Variants in MAGI2 observed in about 807,000 individuals in gnomAD.
MAGI2 encodes the protein membrane associated guanylate kinase, WW and PDZ domain containing 2.
Under a neutral mutation model 133.3 loss-of-function variants are expected in MAGI2, and 35 were observed. The ratio of observed to expected loss-of-function variants is 0.26; its 90% CI spans 0.20 to 0.35. MAGI2 has a LOEUF of 0.35. Among genes scored for constraint, MAGI2 ranks in the 10% least tolerant of loss-of-function variants. MAGI2 has a pLI of 1.00. For synonymous variants in MAGI2, 729 were observed against 710.6 expected (o/e 1.03, Z -0.41); for missense variants, 1,636 against 1,863.4 (o/e 0.88, Z 2.25).
intron 1 of MAGI2, among the ~76,000 whole-genome samples, chr7:79,331,143 A>T (rs1840042846): frequency 6.6e-6 from 1 of 152,192 alleles, no homozygotes; most frequent in African/African-American, 2.4e-5. Context: ...AATTCTATTT[A>T]TTAGAAGTTC....
At chr7:78,083,803 T>C (rs1056718152) in intron 20 of MAGI2, among the ~76,000 whole-genome samples, 1 of 152,236 alleles carries the variant, frequency 6.6e-6, no homozygotes, top group African/African-American at 2.4e-5. Context: ...AACTTTTTCT[T>C]TTTTTGCCTA....
Position 79,271,256 on chromosome 7 carries a change from T to C in MAGI2, c.301+181764A>G, listed in dbSNP as rs566736846. The stretch of plus-strand genomic sequence containing the variant: ...CACAATCATATAGCATTCTGTGCCA[T>C]CACATATATGTCAACTTCATCTCCC... On this transcript the variant is annotated intron_variant, in intron 1 of 21. Transcript: ENST00000354212. Among the ~76,000 whole-genome samples, 251 of 152,288 alleles carry C rather than the reference T, an allele frequency of 1.6e-3. 2 individuals are homozygous for C. Among genetic ancestry groups the C allele is most frequent in the African/African-American group, 5.8e-3 (241 of 41,576 alleles).
At chr7:78,853,751 C>G (rs567093749) in intron 2 of MAGI2, among the ~76,000 whole-genome samples, 2 of 151,934 alleles carry the variant, frequency 1.3e-5, no homozygotes, top group African/African-American at 4.8e-5. Context: ...TTACATTAGT[C>G]GTCTGTGCAG....
intron 1 of MAGI2, among the ~76,000 whole-genome samples, chr7:79,011,920 C>T (rs199694553): frequency 2.3e-4 from 29 of 123,448 alleles, no homozygotes; most frequent in African/African-American, 9.5e-4. Flanking sequence ...TTCCTTCCTT[C>T]CTTCCTTTCT....
intron 2 of MAGI2, among the ~76,000 whole-genome samples, chr7:78,883,008 C>G (rs191012532): frequency 6.6e-6 from 1 of 152,176 alleles, no homozygotes; most frequent in Non-Finnish European, 1.5e-5. Flanking sequence ...CTAGCCAGAA[C>G]AATCAGGCAA....
rs142870667 is a variant in MAGI2 at position 78,911,750 on chromosome 7, T to C, written c.418+95340A>G. On this transcript the variant is annotated intron_variant, in intron 2 of 21. Transcript: ENST00000354212. Reference sequence around the variant, plus strand: ...GGGGTACATGTGAAGGTTTGTTCCATAGGTAAACTCATTTCATGGGAGTTT... The same window carrying C: ...GGGGTACATGTGAAGGTTTGTTCCACAGGTAAACTCATTTCATGGGAGTTT... 4.8e-3 allele frequency among the ~76,000 whole-genome samples: 730 copies of C among 152,220 alleles called. 5 individuals are homozygous for C. The highest frequency in any genetic ancestry group is 0.017 in the African/African-American group (689 of 41,542).
chr7:78,069,890 T>A lies in MAGI2; in HGVS notation c.3706+9057A>T, dbSNP rs573603472. Among the ~76,000 whole-genome samples the A allele has an allele frequency of 2.4e-3, 364 of 152,114 alleles. 1 individual carries two copies. Among genetic ancestry groups the A allele is most frequent in the African/African-American group, 8.2e-3 (340 of 41,506 alleles). ...AATGTTCCTATTAGATCCTAAAATA[T>A]GACTCTTCATGATGGGTTACTGGAG... On this transcript the variant is annotated intron_variant, in intron 21 of 21. Coordinates refer to ENST00000354212, the MANE Select transcript of MAGI2 (RefSeq NM_012301.4).
chr7:78,706,433 C>T (rs868699771), intron 2 of MAGI2, among the ~76,000 whole-genome samples: 4 of 152,136 alleles, frequency 2.6e-5, no homozygotes, highest in Middle Eastern at 6.8e-3. Flanking sequence ...TCTTTTTGTT[C>T]CCAGTTTCGG....
intron 1 of MAGI2, among the ~76,000 whole-genome samples, chr7:79,244,300 G>A (rs969638631): frequency 6.6e-6 from 1 of 152,146 alleles, no homozygotes; most frequent in Non-Finnish European, 1.5e-5. Context: ...CAAAAACCAG[G>A]TGAGCAATCA....
intron 1 of MAGI2, among the ~76,000 whole-genome samples, chr7:79,130,950 C>T (rs13237582): frequency 3.9e-5 from 6 of 152,066 alleles, no homozygotes; most frequent in African/African-American, 9.6e-5. Context: ...CATTCACTCA[C>T]TCATTCATTC....
intron 1 of MAGI2, among the ~76,000 whole-genome samples, chr7:79,131,364 G>A (rs1820924972): frequency 6.6e-6 from 1 of 152,178 alleles, no homozygotes; most frequent in Non-Finnish European, 1.5e-5. Context: ...AGAAGGAGTA[G>A]GTAGGAAGCT....
intron 13 of MAGI2, among the ~76,000 whole-genome samples, chr7:78,181,784 A>G (rs1827210080): frequency 1.3e-5 from 2 of 152,224 alleles, no homozygotes; most frequent in African/African-American, 4.8e-5. Context: ...ACATCCAGGT[A>G]TCAGGACAAC....
intron 2 of MAGI2, among the ~76,000 whole-genome samples, chr7:78,857,996 G>A (rs566193685): frequency 2.3e-4 from 35 of 152,168 alleles, no homozygotes; most frequent in East Asian, 7.7e-4. Context: ...TGTATGTGTC[G>A]AGGAATTTAT....
intron 2 of MAGI2, 31 bp downstream of exon 2, chr7:79,007,059 T>C (rs2116523905): frequency 7.1e-7 from 1 of 1,409,222 alleles, no homozygotes. Flanking sequence ...TCTCTCAACA[T>C]AAAAATATTA....
intron 5 of MAGI2, among the ~76,000 whole-genome samples, chr7:78,498,682 G>A (rs546000341): frequency 6.6e-6 from 1 of 152,242 alleles, no homozygotes; most frequent in South Asian, 2.1e-4. Flanking sequence ...TGATACCTGC[G>A]TTCACCACAC....
At chr7:78,234,870 C>T (rs1790363158) in intron 10 of MAGI2, among the ~76,000 whole-genome samples, 1 of 152,092 alleles carries the variant, frequency 6.6e-6, no homozygotes. Context: ...CATGCATAAG[C>T]AACGAACACT....
chr7:79,338,762 C>T (rs1056373446), intron 1 of MAGI2, among the ~76,000 whole-genome samples: 6 of 152,072 alleles, frequency 3.9e-5, no homozygotes, highest in African/African-American at 1.4e-4. Context: ...ATGAAAGAGC[C>T]AGAAGTTCCC....
chr7:78,936,665 T>C (rs1190573238), intron 2 of MAGI2, among the ~76,000 whole-genome samples: 1 of 152,026 alleles, frequency 6.6e-6, no homozygotes, highest in Non-Finnish European at 1.5e-5. Flanking sequence ...CACCTCATAA[T>C]GATAGCTTAG....
rs1404076831 is a variant in MAGI2, at chr7:79,028,316, CACAT to C, written c.302-21114_302-21111del. Among the ~76,000 whole-genome samples the C allele has an allele frequency of 1.1e-4, 14 of 122,786 alleles. 1 individual carries two copies. Among genetic ancestry groups the C allele is most frequent in the Non-Finnish European group, 2.0e-4 (12 of 60,808 alleles). The allele number at this position is 122,786 out of a possible 152,430, so 80.6% of individuals were successfully genotyped here. On this transcript the variant is annotated intron_variant, in intron 1 of 21. Transcript: ENST00000354212. ...ATGTGTGTATATATATATATATACACACATATATATACATATATATACACACACA... is the reference window on the plus strand; with the variant it reads ...ATGTGTGTATATATATATATATACACATATATACATATATATACACACACA...
Sources: allele counts gnomAD v4.1 joint callset (sites outside exome capture counted in the v4.1 genomes callset), GRCh38; gene constraint gnomAD v4.1.1; transcripts MANE v1.5; gene names NCBI Gene and HGNC (gene_info 2026-07-23, HGNC 2026-07-21).